TMEM135: variants seen among roughly 807,000 people sequenced by gnomAD.
TMEM135 encodes peroxisomal membrane protein 52.
TMEM135 carries 30 observed loss-of-function variants against 60.3 expected under a neutral mutation model. The observed-to-expected ratio is 0.50, with a 90% CI of 0.37 to 0.68. The LOEUF (loss-of-function observed/expected upper bound fraction) is 0.68. Ranked by LOEUF, TMEM135 falls within the 30% of genes least tolerant of loss-of-function variation. The probability of loss-of-function intolerance (pLI) is 0.00; values close to 1 mark genes in which losing one functional copy is unlikely to be tolerated. For synonymous variants in TMEM135, 190 were observed against 186.7 expected (o/e 1.02, Z -0.14); for missense variants, 468 against 548.8 (o/e 0.85, Z 1.47).
At chr11:87,223,660 C>G (rs946388205) in intron 5 of TMEM135, among the ~76,000 whole-genome samples, 3 of 133,636 alleles carry the variant, frequency 2.2e-5, no homozygotes, top group African/African-American at 8.9e-5. Flanking sequence ...AAAATACGCA[C>G]ATGCACGCAC....
chr11:87,150,042 A>G (rs1408475099), intron 4 of TMEM135, among the ~76,000 whole-genome samples: 1 of 151,920 alleles, frequency 6.6e-6, no homozygotes, highest in African/African-American at 2.4e-5. Flanking sequence ...ACATGGTGAA[A>G]CCTGTCTCTA....
chr11:87,078,104 G>T (rs1856911467), intron 3 of TMEM135, among the ~76,000 whole-genome samples: 1 of 152,172 alleles, frequency 6.6e-6, no homozygotes, highest in African/African-American at 2.4e-5. Flanking sequence ...ACTCAGGAAT[G>T]GAATTGCTGC....
At chr11:87,118,652 G>A (rs558369340) in intron 4 of TMEM135, among the ~76,000 whole-genome samples, 2 of 152,146 alleles carry the variant, frequency 1.3e-5, no homozygotes, top group East Asian at 1.9e-4. Context: ...GTTTCACTAT[G>A]TTGGCCAAGC....
intron 1 of TMEM135, among the ~76,000 whole-genome samples, chr11:87,054,739 A>G (rs1388191993): frequency 6.6e-6 from 1 of 152,196 alleles, no homozygotes; most frequent in Non-Finnish European, 1.5e-5. Context: ...TGATGAAGGA[A>G]GGCTTATTCT....
intron 6 of TMEM135, among the ~76,000 whole-genome samples, chr11:87,241,848 T>A (rs1040911463): frequency 2.1e-5 from 3 of 145,324 alleles, no homozygotes; most frequent in Non-Finnish European, 3.1e-5. Context: ...GCCTTTTTTT[T>A]TAAAAAAAAA....
intron 5 of TMEM135, among the ~76,000 whole-genome samples, chr11:87,193,460 T>G (rs977814917): frequency 1.3e-5 from 2 of 152,044 alleles, no homozygotes; most frequent in Non-Finnish European, 2.9e-5. Context: ...ATTTTCCCAT[T>G]TATTTTTCCC....
At chr11:87,041,451 A>T (rs1332549041) in intron 1 of TMEM135, among the ~76,000 whole-genome samples, 5 of 152,196 alleles carry the variant, frequency 3.3e-5, no homozygotes, top group Non-Finnish European at 5.9e-5. Flanking sequence ...AAGATTTTTG[A>T]GAAATTGATG....
At chr11:87,281,209 A>C (rs2135420355) in intron 6 of TMEM135, among the ~76,000 whole-genome samples, 1 of 152,246 alleles carries the variant, frequency 6.6e-6, no homozygotes, top group South Asian at 2.1e-4. Flanking sequence ...AAAACAAAAA[A>C]CCCTACAATT....
At chr11:87,142,995 T>C (rs939231957) in intron 4 of TMEM135, among the ~76,000 whole-genome samples, 1 of 152,078 alleles carries the variant, frequency 6.6e-6, no homozygotes, top group African/African-American at 2.4e-5. Flanking sequence ...AGTCTTTCAT[T>C]TCTCTTCAGT....
chr11:87,186,435 G>A (rs1220360724), intron 5 of TMEM135, among the ~76,000 whole-genome samples: 2 of 152,134 alleles, frequency 1.3e-5, no homozygotes, highest in Non-Finnish European at 2.9e-5. Context: ...TTATTTAAGA[G>A]TTACTCATAC....
chr11:87,298,645 G>A (rs1942389286), intron 7 of TMEM135, among the ~76,000 whole-genome samples: 1 of 151,846 alleles, frequency 6.6e-6, no homozygotes, highest in African/African-American at 2.4e-5. Flanking sequence ...AAATTAGCCA[G>A]GCATGGTGGT....
At chr11:87,110,522 TC>T (rs1222553920) in intron 4 of TMEM135, among the ~76,000 whole-genome samples, 1 of 152,024 alleles carries the variant, frequency 6.6e-6, no homozygotes, top group Non-Finnish European at 1.5e-5. Context: ...TAACTGCAAA[TC>T]TAAATTTTCT....
At chr11:87,231,668 TCAG>T (rs1216638473) in intron 5 of TMEM135, among the ~76,000 whole-genome samples, 1 of 151,970 alleles carries the variant, frequency 6.6e-6, no homozygotes, top group African/African-American at 2.4e-5. Flanking sequence ...AAGAGATAAA[TCAG>T]CAAATTAATG....
chr11:87,085,626 G>T (rs1459306624), intron 3 of TMEM135, among the ~76,000 whole-genome samples: 1 of 152,138 alleles, frequency 6.6e-6, no homozygotes, highest in African/African-American at 2.4e-5. Context: ...GTGTGGTGGT[G>T]TGTGCCTGTG....
chr11:87,223,869 G>GAAAA (rs1940707323), intron 5 of TMEM135, among the ~76,000 whole-genome samples: 1 of 151,458 alleles, frequency 6.6e-6, no homozygotes, highest in Non-Finnish European at 1.5e-5. Flanking sequence ...AAGAAAGAAA[G>GAAAA]AAAAAACCCC....
chr11:87,250,613 C>A (rs796792095), intron 6 of TMEM135, among the ~76,000 whole-genome samples: 14 of 151,908 alleles, frequency 9.2e-5, no homozygotes, highest in African/African-American at 3.4e-4. Flanking sequence ...TAATTTTTTT[C>A]CGTTCTGGTC....
intron 5 of TMEM135, among the ~76,000 whole-genome samples, chr11:87,227,971 ACT>A (rs1475348056): frequency 6.6e-6 from 1 of 152,138 alleles, no homozygotes; most frequent in East Asian, 1.9e-4. Flanking sequence ...GTTCTAAAAG[ACT>A]CTGCCCTCTG....
intron 5 of TMEM135, among the ~76,000 whole-genome samples, chr11:87,231,327 T>A (rs1293861873): frequency 2.0e-5 from 3 of 152,162 alleles, no homozygotes; most frequent in Non-Finnish European, 2.9e-5. Flanking sequence ...AATTGAGTAG[T>A]TAGCACTCAA....
In TMEM135 at chr11:87,323,838, A is replaced by G. The variant is rs74542118; in HGVS notation, c.*2505A>G. The G allele has an allele frequency of 5.9e-4, 267 of 452,584 alleles. 5 individuals carry two copies. The East Asian group carries it at 0.015, about 26-fold the overall frequency. 28.0% of individuals were successfully genotyped at this position (452,584 alleles called of 1,614,324 possible). A position where few individuals can be genotyped will look rare whatever the true frequency, so the allele number is the denominator to read the frequency against. On this transcript the variant is annotated 3_prime_UTR_variant, in exon 15 of 15. Transcript: ENST00000305494. ...GATCCATTTTATTACTCATTTTTGA[A>G]GTAACACCTTTGGTTTAGTTTTATT...
Sources: gnomAD v4.1 joint callset for allele counts (sites outside exome capture counted in the v4.1 genomes callset) on GRCh38, gnomAD v4.1.1 for gene constraint, MANE v1.5 for transcripts, NCBI Gene and HGNC (gene_info 2026-07-23, HGNC 2026-07-21) for gene names.